Variants in CFAP263 observed in about 807,000 individuals in gnomAD.
CFAP263 encodes the protein cilia and flagella associated protein 263.
At chr16:58,255,618 G>A in the CFAP263 span, among the ~76,000 whole-genome samples, 12 of 146,590 alleles carry the variant, frequency 8.2e-5, no homozygotes, top group African/African-American at 2.8e-4. Context: ...TGCCCAGGCT[G>A]GAGTGCAGTG....
the CFAP263 span, among the ~76,000 whole-genome samples, chr16:58,258,107 C>CAAAAA: frequency 1.2e-5 from 1 of 82,338 alleles, no homozygotes; most frequent in African/African-American, 5.2e-5. Flanking sequence ...GACTCTGTCT[C>CAAAAA]AAAAAAAAAA....
the CFAP263 span, among the ~76,000 whole-genome samples, chr16:58,250,631 G>A: frequency 2.6e-5 from 4 of 152,086 alleles, no homozygotes; most frequent in African/African-American, 7.2e-5. Flanking sequence ...CAGGCGTGGT[G>A]GCGCGTGCCT....
At chr16:58,271,991 T>C in the CFAP263 span, among the ~76,000 whole-genome samples, 1 of 151,992 alleles carries the variant, frequency 6.6e-6, no homozygotes, top group Admixed American at 6.6e-5. Context: ...TTAACATCAT[T>C]TATTTATATC....
At chr16:58,273,007 A>G in the CFAP263 span, among the ~76,000 whole-genome samples, 2 of 152,028 alleles carry the variant, frequency 1.3e-5, no homozygotes, top group Admixed American at 6.5e-5. Context: ...TTTTCAGCCC[A>G]TTGCCTTCTG....
the CFAP263 span, among the ~76,000 whole-genome samples, chr16:58,268,754 A>G: frequency 0.58 from 88,781 of 152,014 alleles, 27,008 homozygotes; most frequent in African/African-American, 0.75. Context: ...CAGAATTGCC[A>G]TGGTCCTTAT....
At chr16:58,282,708 T>A in the CFAP263 span, 1 of 152,258 alleles carries the variant, frequency 6.6e-6, no homozygotes, top group Admixed American at 6.5e-5. Context: ...GAAGAGGCCC[T>A]TGTGTGCACC....
At chr16:58,255,467 C>A in the CFAP263 span, among the ~76,000 whole-genome samples, 1 of 152,160 alleles carries the variant, frequency 6.6e-6, no homozygotes, top group Non-Finnish European at 1.5e-5. Flanking sequence ...AGAAACAATA[C>A]TTTACCAGCC....
chr16:58,258,354 G>A, the CFAP263 span: 5 of 1,612,724 alleles, frequency 3.1e-6, no homozygotes, highest in Non-Finnish European at 4.2e-6. Flanking sequence ...CTCTCTTTGT[G>A]CTGACTCCCC....
At chr16:58,272,770 CT>C in the CFAP263 span, among the ~76,000 whole-genome samples, 19,729 of 137,382 alleles carry the variant, frequency 0.14, 1,140 homozygotes, top group East Asian at 0.2. Context: ...ATCTTAATGG[CT>C]TTTTTTTTTT....
the CFAP263 span, among the ~76,000 whole-genome samples, chr16:58,262,168 A>G: frequency 4.0e-5 from 6 of 151,680 alleles, no homozygotes; most frequent in Non-Finnish European, 8.8e-5. Flanking sequence ...AAACCCTCAT[A>G]TGCACTGCCT....
At chr16:58,267,212 A>G in the CFAP263 span, among the ~76,000 whole-genome samples, 7 of 152,194 alleles carry the variant, frequency 4.6e-5, no homozygotes, top group East Asian at 1.4e-3. Flanking sequence ...CTCCCCAGAG[A>G]TCTCCTTAGT....
the CFAP263 span, among the ~76,000 whole-genome samples, chr16:58,257,530 C>T: frequency 6.6e-6 from 1 of 151,868 alleles, no homozygotes; most frequent in African/African-American, 2.4e-5. Context: ...AACTTCTGGC[C>T]TCCAACAATC....
chr16:58,255,097 G>A, the CFAP263 span, among the ~76,000 whole-genome samples: 3 of 152,172 alleles, frequency 2.0e-5, no homozygotes, highest in African/African-American at 4.8e-5. Context: ...GAGAGAAGCC[G>A]GTAGTGGCTC....
chr16:58,263,471 A>C, the CFAP263 span, among the ~76,000 whole-genome samples: 8 of 152,158 alleles, frequency 5.3e-5, no homozygotes, highest in Non-Finnish European at 1.2e-4. Flanking sequence ...TGGGCTTGCA[A>C]AACCTAAAAT....
the CFAP263 span, among the ~76,000 whole-genome samples, chr16:58,255,579 T>C: frequency 2.0e-5 from 3 of 151,490 alleles, no homozygotes; most frequent in Non-Finnish European, 4.4e-5. Context: ...TTTCTTTTTT[T>C]TTTTTTTTGG....
At chr16:58,278,550 G>T in the CFAP263 span, 1 of 1,614,200 alleles carries the variant, frequency 6.2e-7, no homozygotes, top group Non-Finnish European at 8.5e-7. Context: ...GGGCACCACA[G>T]GTGATGACTT....
the CFAP263 span, among the ~76,000 whole-genome samples, chr16:58,252,111 A>G: frequency 6.6e-6 from 1 of 152,182 alleles, no homozygotes; most frequent in African/African-American, 2.4e-5. Context: ...ATTATTGCCT[A>G]TAATCTCAGC....
chr16:58,260,246 G>A, the CFAP263 span, among the ~76,000 whole-genome samples: 1 of 152,126 alleles, frequency 6.6e-6, no homozygotes, highest in Non-Finnish European at 1.5e-5. Flanking sequence ...GGGAGAAGGG[G>A]TCAGGAGTCA....
chr16:58,270,338 G>T, the CFAP263 span, among the ~76,000 whole-genome samples: 6 of 152,078 alleles, frequency 3.9e-5, no homozygotes, highest in Non-Finnish European at 8.8e-5. Context: ...CGAACACAAA[G>T]TCTGTTTTAT....
Sources: gnomAD v4.1 joint callset for allele counts (sites outside exome capture counted in the v4.1 genomes callset) on GRCh38, gnomAD v4.1.1 for gene constraint, MANE v1.5 for transcripts, NCBI Gene and HGNC (gene_info 2026-07-23, HGNC 2026-07-21) for gene names.